The following PTPRM variants were observed in gnomAD, a reference collection of about 807,000 sequenced individuals.
The protein encoded by PTPRM is protein tyrosine phosphatase receptor type M.
In PTPRM, 47 loss-of-function variants were observed where a neutral mutation model predicts 186.7. The observed-to-expected ratio is 0.25, with a 90% CI of 0.20 to 0.32. PTPRM has a LOEUF of 0.32. Among genes scored for constraint, PTPRM ranks in the 10% least tolerant of loss-of-function variants. The pLI is 1.00. For synonymous variants in PTPRM, 668 were observed against 674.9 expected, an observed-to-expected ratio of 0.99 and a Z score of 0.16; for missense variants, 1,494 against 1,865.0, an observed-to-expected ratio of 0.80 and a Z score of 3.66.
intron 13 of PTPRM, among the ~76,000 whole-genome samples, chr18:8,126,114 GTC>G (rs2092357427): frequency 6.8e-6 from 1 of 147,208 alleles, no homozygotes; most frequent in Admixed American, 6.9e-5. Context: ...TTGTCTGTCT[GTC>G]TTGTTCCCAG....
chr18:7,740,455 C>G (rs552394709), intron 1 of PTPRM, among the ~76,000 whole-genome samples: 3 of 152,294 alleles, frequency 2.0e-5, no homozygotes, highest in African/African-American at 7.2e-5. Context: ...GGATCTCGCT[C>G]TGTCACAGGC....
intron 14 of PTPRM, among the ~76,000 whole-genome samples, chr18:8,198,771 G>A (rs2059498534): frequency 6.6e-6 from 1 of 152,094 alleles, no homozygotes; most frequent in South Asian, 2.1e-4. Context: ...AGATATGGTG[G>A]ACATATTGCC....
At chr18:8,001,213 T>C (rs1227949607) in intron 7 of PTPRM, among the ~76,000 whole-genome samples, 1 of 152,180 alleles carries the variant, frequency 6.6e-6, no homozygotes, top group African/African-American at 2.4e-5. Flanking sequence ...GTTGCAAGTC[T>C]CTGCTGAGAA....
intron 7 of PTPRM, among the ~76,000 whole-genome samples, chr18:7,984,647 A>T (rs1359583269): frequency 7.3e-6 from 1 of 136,120 alleles, no homozygotes; most frequent in Non-Finnish European, 1.6e-5. Flanking sequence ...ATATATGTAT[A>T]TGTGGGGTAA....
chr18:8,391,505 A>G (rs557607491), intron 31 of PTPRM, among the ~76,000 whole-genome samples: 6 of 152,352 alleles, frequency 3.9e-5, no homozygotes, highest in Non-Finnish European at 7.3e-5. Flanking sequence ...GACATAGTGT[A>G]TGGTTCATTT....
At chr18:8,265,093 T>G (rs1267890703) in intron 19 of PTPRM, among the ~76,000 whole-genome samples, 2 of 152,208 alleles carry the variant, frequency 1.3e-5, no homozygotes, top group African/African-American at 4.8e-5. Flanking sequence ...TCCTCTCTGC[T>G]GTTGTGTTTG....
intron 10 of PTPRM, among the ~76,000 whole-genome samples, chr18:8,087,782 T>A (rs2090506650): frequency 6.6e-6 from 1 of 152,164 alleles, no homozygotes; most frequent in South Asian, 2.1e-4. Flanking sequence ...TCTTTTTGTA[T>A]ATGTAAGACA....
In PTPRM at chr18:7,704,116, A is replaced by G. The variant is rs180684423; in HGVS notation, c.74-70033A>G. ...ATTTTCGCATCGACGTTCATCAGGC[A>G]TATTGGCCTGATATTTTCCTTTTTG... On this transcript the variant is annotated intron_variant, in intron 1 of 32. Coordinates refer to ENST00000580170, the MANE Select transcript of PTPRM (RefSeq NM_001105244.2). Among the ~76,000 whole-genome samples, 363 of 152,262 alleles carry G rather than the reference A, an allele frequency of 2.4e-3. 2 individuals are homozygous for G. The highest frequency in any genetic ancestry group is 4.5e-3 in the Non-Finnish European group (307 of 68,016).
Position 7,930,266 on chromosome 18 carries a change from C to T in PTPRM, c.663+3583C>T, listed in dbSNP as rs2051406722. On this transcript the variant is annotated intron_variant, in intron 5 of 32. Transcript: ENST00000580170. Reference sequence around the variant, plus strand: ...TGTATTTTTTGTAGAAACAGGTTTTCACCATGTTGCCTAGGCTGGTCTCAA... The same window carrying T: ...TGTATTTTTTGTAGAAACAGGTTTTTACCATGTTGCCTAGGCTGGTCTCAA... 2.0e-5 allele frequency among the ~76,000 whole-genome samples: 3 copies of T among 152,064 alleles called. No homozygotes were observed. In the South Asian group the frequency reaches 6.2e-4, roughly 32 times the overall value.
chr18:8,406,481 G>A lies in PTPRM; in HGVS notation c.*319G>A, dbSNP rs969465642. On this transcript the variant is annotated 3_prime_UTR_variant, in exon 33 of 33. Coordinates refer to ENST00000580170, the MANE Select transcript of PTPRM (RefSeq NM_001105244.2). ...TTATGAAGGAATTTGTACCTTTGGG[G>A]TATTATTTTGTGGCCCGTGACCCTC... 7 of 270,510 alleles carry A rather than the reference G, an allele frequency of 2.6e-5. No individual in the cohort carries two copies. The highest frequency in any genetic ancestry group is 4.9e-5 in the Non-Finnish European group (7 of 143,480). The allele number at this position is 270,510 out of a possible 1,614,324, so 16.8% of individuals were successfully genotyped here. A position where few individuals can be genotyped will look rare whatever the true frequency, so the allele number is the denominator to read the frequency against.
intron 7 of PTPRM, among the ~76,000 whole-genome samples, chr18:8,051,701 G>A (rs774844863): frequency 6.6e-6 from 1 of 152,032 alleles, no homozygotes; most frequent in Non-Finnish European, 1.5e-5. Context: ...ACTTTCCATT[G>A]TAGGGATATT....
In PTPRM at chr18:8,157,844, C is replaced by T. The variant is rs185170686; in HGVS notation, c.2300+14065C>T. On this transcript the variant is annotated intron_variant, in intron 14 of 32. Coordinates refer to ENST00000580170, the MANE Select transcript of PTPRM (RefSeq NM_001105244.2). ...GGTATTAAAACCTTCCAGACCCAGA[C>T]GCAGCAAGGTGCCAAGTGGTCTGCC... is the stretch of plus-strand genomic sequence containing the variant. Among the ~76,000 whole-genome samples, 4 of 152,304 alleles carry T rather than the reference C, an allele frequency of 2.6e-5. No individual in the cohort carries two copies. In the East Asian group the frequency reaches 7.7e-4, roughly 29 times the overall value.
intron 20 of PTPRM, among the ~76,000 whole-genome samples, chr18:8,306,116 C>T (rs756297474): frequency 6.6e-6 from 1 of 152,060 alleles, no homozygotes; most frequent in Non-Finnish European, 1.5e-5. Flanking sequence ...AGGCTGGTCT[C>T]GAACTCCCGA....
intron 11 of PTPRM, among the ~76,000 whole-genome samples, chr18:8,099,223 T>G (rs2145503370): frequency 6.6e-6 from 1 of 151,854 alleles, no homozygotes; most frequent in African/African-American, 2.4e-5. Context: ...TGTCACCTCC[T>G]TGGAGAGCCC....
At chr18:8,139,924 T>G (rs2092724981) in intron 13 of PTPRM, among the ~76,000 whole-genome samples, 1 of 152,212 alleles carries the variant, frequency 6.6e-6, no homozygotes, top group Non-Finnish European at 1.5e-5. Context: ...GTTTTGTCCA[T>G]CTGCTCACCA....
In PTPRM at chr18:7,721,170, A is replaced by G. The variant is rs548917955; in HGVS notation, c.74-52979A>G. On this transcript the variant is annotated intron_variant, in intron 1 of 32. Coordinates refer to ENST00000580170, the MANE Select transcript of PTPRM (RefSeq NM_001105244.2). ...TTTTTTTTTTGATATTAGCTATTCC[A>G]GTGGGCATGAGGTGATATCTGATTG... Among the ~76,000 whole-genome samples the G allele has an allele frequency of 2.0e-5, 3 of 149,486 alleles. No homozygotes were observed. The South Asian group carries it at 6.4e-4, about 32-fold the overall frequency.
At chr18:8,344,120 T>C (rs1433961907) in intron 23 of PTPRM, among the ~76,000 whole-genome samples, 1 of 152,160 alleles carries the variant, frequency 6.6e-6, no homozygotes, top group Non-Finnish European at 1.5e-5. Context: ...ATTTCCAAAG[T>C]GAAATTTTAA....
chr18:8,129,229 T>C (rs2092445045), intron 13 of PTPRM, among the ~76,000 whole-genome samples: 1 of 87,370 alleles, frequency 1.1e-5, no homozygotes, highest in African/African-American at 2.8e-5. Context: ...AATATATTAT[T>C]TCAATTTTTA....
chr18:7,795,467 C>T (rs2197009), intron 2 of PTPRM, among the ~76,000 whole-genome samples: 1 of 144,278 alleles, frequency 6.9e-6, no homozygotes, highest in African/African-American at 2.6e-5. Context: ...TGTGCTTGTT[C>T]TGGAAAAAAA....
Sources: allele counts gnomAD v4.1 joint callset (sites outside exome capture counted in the v4.1 genomes callset), GRCh38; gene constraint gnomAD v4.1.1; transcripts MANE v1.5; gene names NCBI Gene and HGNC (gene_info 2026-07-23, HGNC 2026-07-21).